SMAGP: variants seen among roughly 807,000 people sequenced by gnomAD.
The protein encoded by SMAGP is small cell transmembrane and glycosylated protein.
A neutral mutation model predicts 10.1 loss-of-function variants in SMAGP; 7 were observed. The observed-to-expected ratio is 0.70, with a 90% CI of 0.40 to 1.31. The LOEUF is 1.31. Ranked by LOEUF, SMAGP falls within the 50% of genes most tolerant of loss-of-function variation. SMAGP has a pLI of 0.01. For missense variants in SMAGP, 113 were observed against 116.5 expected, an observed-to-expected ratio of 0.97 and a Z score of 0.14; for synonymous variants, 49 against 47.2, an observed-to-expected ratio of 1.04 and a Z score of -0.16.
intron 2 of SMAGP, among the ~76,000 whole-genome samples, chr12:51,255,504 C>A (rs1247112947): frequency 3.3e-5 from 5 of 152,204 alleles, no homozygotes; most frequent in Admixed American, 6.5e-5. Flanking sequence ...GAACCCCAAT[C>A]CTGCCTGCTA....
intron 2 of SMAGP, among the ~76,000 whole-genome samples, chr12:51,263,276 G>A (rs1351334729): frequency 1.3e-5 from 2 of 151,764 alleles, no homozygotes; most frequent in South Asian, 2.1e-4. Context: ...CCAGCTACTC[G>A]GGAGGCTGAG....
intron 2 of SMAGP, among the ~76,000 whole-genome samples, chr12:51,266,014 G>A (rs1488672196): frequency 6.6e-6 from 1 of 152,014 alleles, no homozygotes. Flanking sequence ...CCCATGAGGC[G>A]GAGCTTGCAG....
intron 2 of SMAGP, chr12:51,251,629 A>T (rs1944839711): frequency 6.6e-6 from 1 of 151,838 alleles, no homozygotes; most frequent in South Asian, 2.1e-4. Context: ...GGAGGAAACC[A>T]GATGATCACA....
intron 2 of SMAGP, among the ~76,000 whole-genome samples, chr12:51,259,238 T>TG (rs1404680024): frequency 6.6e-6 from 1 of 152,180 alleles, no homozygotes; most frequent in African/African-American, 2.4e-5. Context: ...TGAATGCCCT[T>TG]GGGGTAAATG....
At chr12:51,247,844 C>T (rs141141469) in intron 2 of SMAGP, among the ~76,000 whole-genome samples, 2 of 152,340 alleles carry the variant, frequency 1.3e-5, no homozygotes, top group Non-Finnish European at 2.9e-5. Flanking sequence ...CCCTCCACTG[C>T]ACCCCACAGC....
chr12:51,255,955 G>C (rs564304163), intron 2 of SMAGP, among the ~76,000 whole-genome samples: 2 of 152,204 alleles, frequency 1.3e-5, no homozygotes, highest in Admixed American at 1.3e-4. Context: ...ATTTTTAGTA[G>C]AGACGGGGTT....
chr12:51,248,789 A>AT (rs1944809115), intron 2 of SMAGP, among the ~76,000 whole-genome samples: 1 of 151,766 alleles, frequency 6.6e-6, no homozygotes, highest in South Asian at 2.1e-4. Flanking sequence ...ATGGTGGCTC[A>AT]TGCCTGTAAT....
intron 3 of SMAGP, 147 bp downstream of exon 3, chr12:51,246,604 C>CCGTGTGTG: frequency 3.1e-6 from 1 of 324,826 alleles, no homozygotes; most frequent in Non-Finnish European, 5.4e-6. Context: ...TCTTTTATGG[C>CCGTGTGTG]TGTGTGTGTG....
At chr12:51,268,216 A>G (rs533046811) in intron 2 of SMAGP, among the ~76,000 whole-genome samples, 1 of 152,132 alleles carries the variant, frequency 6.6e-6, no homozygotes, top group Admixed American at 6.6e-5. Context: ...CTTTCAAGGG[A>G]AAGATGGGTT....
chr12:51,263,024 AG>A (rs1333783558), intron 2 of SMAGP, among the ~76,000 whole-genome samples: 2 of 152,230 alleles, frequency 1.3e-5, no homozygotes, highest in Non-Finnish European at 1.5e-5. Context: ...ACAGGCTTGC[AG>A]TAAATCAGAC....
rs1944778464 is a variant in SMAGP, at chr12:51,246,749, A to G, written c.115+2T>C. 1.3e-6 allele frequency: 2 copies of G among 1,576,090 alleles called. No individual in the cohort carries two copies. Among genetic ancestry groups the G allele is most frequent in the Admixed American group, 1.9e-5 (1 of 53,204 alleles). On this transcript the variant is annotated splice_donor_variant, in intron 3 of 3. Transcript: ENST00000603798. LOFTEE classifies it high-confidence loss of function. ...CCTTGGAGTTGGCTCAGAGTCTATTACCTGCAATGAGTGCTGTGCTGGCTC... is the reference window on the plus strand; with the variant it reads ...CCTTGGAGTTGGCTCAGAGTCTATTGCCTGCAATGAGTGCTGTGCTGGCTC...
At chr12:51,252,095 A>ATTT (rs34168199) in intron 2 of SMAGP, among the ~76,000 whole-genome samples, 16 of 145,930 alleles carry the variant, frequency 1.1e-4, no homozygotes, top group Non-Finnish European at 2.1e-4. Flanking sequence ...TCTACATCAG[A>ATTT]TTTTTTTTTT....
At position 51,249,745 on chromosome 12, in the gene SMAGP, T is replaced by C. The variant is rs189522281; in HGVS notation, c.35-2914A>G. Among the ~76,000 whole-genome samples the C allele has an allele frequency of 1.9e-4, 29 of 152,064 alleles. No homozygotes were observed. In the East Asian group the frequency reaches 4.5e-3, roughly 23 times the overall value. ...GATTCTTCTGCCTCAGCCTCCTGAG[T>C]AGCTGGGATTACAGGTGTGTGCCAC... On this transcript the variant is annotated intron_variant, in intron 2 of 3. Transcript: ENST00000603798.
chr12:51,257,551 C>CT (rs1412867601), intron 2 of SMAGP, among the ~76,000 whole-genome samples: 1 of 142,198 alleles, frequency 7.0e-6, no homozygotes, highest in African/African-American at 2.9e-5. Context: ...CCTTTGTATA[C>CT]ATTTTTTTTT....
intron 2 of SMAGP, among the ~76,000 whole-genome samples, chr12:51,255,276 G>A (rs1026593512): frequency 6.6e-6 from 1 of 152,094 alleles, no homozygotes; most frequent in African/African-American, 2.4e-5. Context: ...GGCTCAAATG[G>A]TTCTCCCTCC....
intron 2 of SMAGP, among the ~76,000 whole-genome samples, chr12:51,267,388 G>A (rs767922223): frequency 2.6e-5 from 4 of 151,640 alleles, no homozygotes; most frequent in Non-Finnish European, 5.9e-5. Context: ...CCCTTTGCCT[G>A]TATGAACCTT....
chr12:51,269,431 T>C (rs2114876), intron 1 of SMAGP, 115 bp from the exon 2 acceptor site: 652,888 of 741,868 alleles, frequency 0.88, 289,972 homozygotes, highest in East Asian at 0.94. Flanking sequence ...TTCCCCTTTT[T>C]CTCTTGTCCT....
In SMAGP at chr12:51,257,771, C is replaced by T. The variant is rs575399220; in HGVS notation, c.35-10940G>A. On this transcript the variant is annotated intron_variant, in intron 2 of 3. Transcript: ENST00000603798. ...TGTTGGCCAGGCTGGTCTCGAACTC[C>T]TGACCTCAGGTGATCTGCCTGTCTT... Among the ~76,000 whole-genome samples the T allele has an allele frequency of 2.0e-5, 3 of 152,188 alleles. No homozygotes were observed. The East Asian group carries it at 5.9e-4, about 30-fold the overall frequency.
intron 2 of SMAGP, among the ~76,000 whole-genome samples, chr12:51,255,380 A>T (rs1944875947): frequency 6.6e-6 from 1 of 152,156 alleles, no homozygotes; most frequent in African/African-American, 2.4e-5. Flanking sequence ...TTTCTTGTGC[A>T]TAACAATCTC....
Sources: gnomAD v4.1 joint callset for allele counts (sites outside exome capture counted in the v4.1 genomes callset) on GRCh38, gnomAD v4.1.1 for gene constraint, MANE v1.5 for transcripts, NCBI Gene and HGNC (gene_info 2026-07-23, HGNC 2026-07-21) for gene names.